The following DCLRE1C variants were observed in gnomAD, a reference collection of about 807,000 sequenced individuals.
DCLRE1C encodes DNA cross-link repair 1C, also known as protein artemis.
A neutral mutation model predicts 61.4 loss-of-function variants in DCLRE1C; 47 were observed. That is an observed-to-expected ratio of 0.77 (90% CI 0.61 to 0.98). DCLRE1C has a LOEUF of 0.98. DCLRE1C is among the 50% of genes least tolerant of loss of function. The pLI, the probability that DCLRE1C is intolerant of heterozygous loss-of-function variation, is 0.00. For synonymous variants in DCLRE1C, 337 were observed against 287.6 expected (o/e 1.17, Z -1.74); for missense variants, 858 against 816.0 (o/e 1.05, Z -0.63).
chr10:14,899,044 T>G, exon 14 of DCLRE1C: 1 of 583,264 alleles, frequency 1.7e-6, no homozygotes. Flanking sequence ...TAAAAAGTCA[T>G]AAATCAACCA....
intron 11 of DCLRE1C, 99 bp from the exon 12 acceptor site, chr10:14,923,168 T>C: frequency 1.1e-6 from 1 of 922,502 alleles, no homozygotes; most frequent in Non-Finnish European, 1.7e-6. Flanking sequence ...AGAACTCTCT[T>C]ATGGCTGTGG....
Position 14,935,728 on chromosome 10 carries a change from C to T in DCLRE1C, c.363-164G>A, listed in dbSNP as rs41297014. 1.4e-4 allele frequency among the ~76,000 whole-genome samples: 21 copies of T among 152,252 alleles called. No individual in the cohort carries two copies. In the East Asian group the frequency reaches 3.5e-3, roughly 25 times the overall value. The stretch of plus-strand genomic sequence containing the variant: ...TGAACCACACCAGGCACTCAGCTGT[C>T]ACCTCTTCCCTCGGGTAGAAAATAA... On this transcript the variant is annotated intron_variant, in intron 5 of 13. Coordinates refer to ENST00000378278, the MANE Select transcript of DCLRE1C (RefSeq NM_001033855.3).
chr10:14,918,637 A>AG (rs981893189), intron 13 of DCLRE1C, among the ~76,000 whole-genome samples: 6 of 152,098 alleles, frequency 3.9e-5, no homozygotes, highest in South Asian at 2.1e-4. Context: ...TTTAAAAAAA[A>AG]AAAAAAAGAA....
At chr10:14,938,369 C>G (rs1444509800) in intron 4 of DCLRE1C, among the ~76,000 whole-genome samples, 2 of 152,008 alleles carry the variant, frequency 1.3e-5, no homozygotes, top group East Asian at 3.8e-4. Context: ...TTTTAATCCT[C>G]ACTAAACTGG....
At position 14,907,399 on chromosome 10, in the gene DCLRE1C, G is replaced by A. The variant is rs1445662057; in HGVS notation, c.*1009C>T. Among the ~76,000 whole-genome samples, 1 of 151,490 alleles carries A rather than the reference G, an allele frequency of 6.6e-6. No individual in the cohort carries two copies. Among genetic ancestry groups the A allele is most frequent in the African/African-American group, 2.4e-5 (1 of 41,142 alleles). On this transcript the variant is annotated 3_prime_UTR_variant, in exon 14 of 14. Transcript: ENST00000378278. ...AGGAGATACATTCTGCTAGTTTGGG[G>A]TGGTGTGTTCTATAAATGTCAATTT...
intron 12 of DCLRE1C, among the ~76,000 whole-genome samples, chr10:14,921,069 A>G (rs1013115635): frequency 2.0e-5 from 3 of 152,110 alleles, no homozygotes; most frequent in Admixed American, 6.5e-5. Context: ...CTGTAATCCC[A>G]GCACTTGGGG....
intron 8 of DCLRE1C, among the ~76,000 whole-genome samples, 195 bp downstream of exon 8, chr10:14,934,185 A>G (rs532901246): frequency 2.6e-5 from 4 of 152,030 alleles, no homozygotes; most frequent in African/African-American, 4.8e-5. Context: ...AAAATTAGCT[A>G]GGCATGGTGG....
At position 14,936,528 on chromosome 10, in the gene DCLRE1C, AC is replaced by A. The variant is rs1246673903; in HGVS notation, c.362+9del. The A allele has an allele frequency of 1.2e-6, 2 of 1,606,878 alleles. No individual in the cohort carries two copies. ...ATATAATAAAATGACAAAATAAATG[AC>A]CCCCTTACATAACTGATCCCGGACA... On this transcript the variant is annotated intron_variant, in intron 5 of 13. Transcript: ENST00000378278.
At chr10:14,948,618 A>G (rs1842020585) in intron 2 of DCLRE1C, among the ~76,000 whole-genome samples, 1 of 152,108 alleles carries the variant, frequency 6.6e-6, no homozygotes, top group Non-Finnish European at 1.5e-5. Flanking sequence ...GCTCACATCT[A>G]TAATGCCAGC....
In DCLRE1C at chr10:14,921,558, A is replaced by G. The variant is rs528490313; in HGVS notation, c.1061+1423T>C. 2.6e-5 allele frequency among the ~76,000 whole-genome samples: 4 copies of G among 152,226 alleles called. No homozygotes were observed. In the South Asian group the frequency reaches 6.2e-4, roughly 24 times the overall value. ...ACTTTTTACCTATTTCTCGACTGAA[A>G]TCTGGCTTGTAACTCACAAGTCTAC... On this transcript the variant is annotated intron_variant, in intron 12 of 13. Transcript: ENST00000378278.
intron 13 of DCLRE1C, among the ~76,000 whole-genome samples, chr10:14,915,452 A>C (rs1836016834): frequency 6.6e-6 from 1 of 152,094 alleles, no homozygotes; most frequent in Non-Finnish European, 1.5e-5. Context: ...ATCAGGAGCA[A>C]GAGGATTAAT....
At chr10:14,916,641 T>C (rs1399811826) in intron 13 of DCLRE1C, among the ~76,000 whole-genome samples, 3 of 152,166 alleles carry the variant, frequency 2.0e-5, no homozygotes, top group South Asian at 2.1e-4. Flanking sequence ...CAATCAGGAA[T>C]TGAAACTTAA....
rs1296895239 is a variant in DCLRE1C at position 14,907,593 on chromosome 10, T to C, written c.*815A>G. On this transcript the variant is annotated 3_prime_UTR_variant, in exon 14 of 14. Coordinates refer to ENST00000378278, the MANE Select transcript of DCLRE1C (RefSeq NM_001033855.3). ...TAAATTTTTGGAGCTGTTAGGTGCATATACGTTTAGGATTATTTTGTCTTC... is the reference window on the plus strand; with the variant it reads ...TAAATTTTTGGAGCTGTTAGGTGCACATACGTTTAGGATTATTTTGTCTTC... Among the ~76,000 whole-genome samples, 6 of 152,172 alleles carry C rather than the reference T, an allele frequency of 3.9e-5. No individual in the cohort carries two copies. Among genetic ancestry groups the C allele is most frequent in the Admixed American group, 2.6e-4 (4 of 15,274 alleles).
intron 13 of DCLRE1C, among the ~76,000 whole-genome samples, chr10:14,910,868 C>T (rs1835144567): frequency 6.6e-6 from 1 of 152,166 alleles, no homozygotes; most frequent in South Asian, 2.1e-4. Context: ...AGGACAATGA[C>T]ATGAGAAATA....
At chr10:14,924,899 T>G (rs1418772831) in intron 11 of DCLRE1C, among the ~76,000 whole-genome samples, 1 of 151,624 alleles carries the variant, frequency 6.6e-6, no homozygotes, top group Non-Finnish European at 1.5e-5. Flanking sequence ...CATCCATTAC[T>G]AAGTTGATAA....
chr10:14,945,549 T>C, intron 2 of DCLRE1C: 4 of 1,095,104 alleles, frequency 3.7e-6, no homozygotes, highest in African/African-American at 1.7e-5. Context: ...TACGCGCTTG[T>C]ATGTGATCAG....
At chr10:14,947,178 C>CTCCT in intron 2 of DCLRE1C, among the ~76,000 whole-genome samples, 1 of 152,128 alleles carries the variant, frequency 6.6e-6, no homozygotes, top group Non-Finnish European at 1.5e-5. Flanking sequence ...CGCTACTGCA[C>CTCCT]TCCTGCCTGG....
At chr10:14,910,545 C>T (rs969363011) in intron 13 of DCLRE1C, among the ~76,000 whole-genome samples, 9 of 152,146 alleles carry the variant, frequency 5.9e-5, no homozygotes, top group East Asian at 5.8e-4. Flanking sequence ...TCCACCCCCT[C>T]GGCCTCCCAA....
At chr10:14,928,789 T>G (rs1838465425) in intron 9 of DCLRE1C, among the ~76,000 whole-genome samples, 2 of 142,344 alleles carry the variant, frequency 1.4e-5, no homozygotes, top group Admixed American at 1.4e-4. Context: ...GTATGGTGTT[T>G]TTTTTTTTTT....
Sources: gnomAD v4.1 joint callset for allele counts (sites outside exome capture counted in the v4.1 genomes callset) on GRCh38, gnomAD v4.1.1 for gene constraint, MANE v1.5 for transcripts, NCBI Gene and HGNC (gene_info 2026-07-23, HGNC 2026-07-21) for gene names.